The following PCIF1 variants were observed in gnomAD, a reference collection of about 807,000 sequenced individuals.
PCIF1 encodes the protein phosphorylated CTD interacting factor 1.
A neutral mutation model predicts 86.9 loss-of-function variants in PCIF1; 12 were observed. The observed-to-expected ratio is 0.14, with a 90% confidence interval of 0.09 to 0.22. PCIF1 has a LOEUF of 0.22. Ranked by LOEUF, PCIF1 falls within the 10% of genes least tolerant of loss-of-function variation. PCIF1 has a pLI of 1.00. For missense variants in PCIF1, 701 were observed against 951.1 expected (o/e 0.74, Z 3.46); for synonymous variants, 397 against 372.0 (o/e 1.07, Z -0.77).
Position 45,947,900 on chromosome 20 carries a change from G to A in PCIF1, c.*145G>A. On this transcript the variant is annotated 3_prime_UTR_variant, in exon 17 of 17. Coordinates refer to ENST00000372409, the MANE Select transcript of PCIF1 (RefSeq NM_022104.4). This position sits in a 1 kb window ranked among gnomAD's most constrained non-coding sequence, Gnocchi z 5.4. ...GGCTCCCCTCCCTGCCTGTCCCCAA[G>A]TCCTCACCTCAAACTCCCTCCAAGT... is the stretch of plus-strand genomic sequence containing the variant. 1 of 1,533,542 alleles carries A rather than the reference G, an allele frequency of 6.5e-7. No homozygotes were observed. Among genetic ancestry groups the A allele is most frequent in the Non-Finnish European group, 8.7e-7 (1 of 1,146,412 alleles). The allele number at this position is 1,533,542 out of a possible 1,614,324, so 95.0% of individuals were successfully genotyped here.
chr20:45,938,127 C>T (rs2083441371), intron 2 of PCIF1, among the ~76,000 whole-genome samples: 1 of 152,206 alleles, frequency 6.6e-6, no homozygotes, highest in Non-Finnish European at 1.5e-5. Flanking sequence ...ACTTTGGCTC[C>T]TGAGGCTGTT....
At chr20:45,942,788 T>TTTTTTTTTTTTTC (rs745379436) in intron 7 of PCIF1, among the ~76,000 whole-genome samples, 1 of 140,706 alleles carries the variant, frequency 7.1e-6, no homozygotes, top group Non-Finnish European at 1.6e-5. Context: ...TTTTTTTTTT[T>TTTTTTTTTTTTTC]TTTTTGTAGA....
At position 45,943,774 on chromosome 20, in the gene PCIF1, G is replaced by T. The variant is rs1483259598; in HGVS notation, c.1005+9G>T. On this transcript the variant is annotated intron_variant, in intron 10 of 16. Transcript: ENST00000372409. This position sits in a 1 kb window ranked among gnomAD's most constrained non-coding sequence, Gnocchi z 5.5. ...CCAAGGAGGACTACATGGTGAGTGG[G>T]TCCCCGGGTGAGAAGGCCAGTTTTA... 42 of 1,549,478 alleles carry T rather than the reference G, an allele frequency of 2.7e-5. No individual in the cohort carries two copies. The highest frequency in any genetic ancestry group is 3.5e-5 in the Non-Finnish European group (40 of 1,145,236).
At position 45,947,283 on chromosome 20, in the gene PCIF1, G is replaced by A. The variant is rs35585146; in HGVS notation, c.1728G>A (p.Pro576=). The A allele has an allele frequency of 1.5e-5, 25 of 1,612,934 alleles. No homozygotes were observed. In the African/African-American group the frequency reaches 1.6e-4, roughly 10 times the overall value. ...SHFERLLESS[P]EPLSFIVFIP... ...CACAGAGACTGCTTGAGAGCTCACC[G>A]GAGCCCCTGTCCTTCATCGTGTTCA... The change falls in exon 16 of 17, where the codon CCG becomes CCA. Residue 576 remains proline, a synonymous_variant. Coordinates refer to ENST00000372409, the MANE Select transcript of PCIF1 (RefSeq NM_022104.4). The surrounding 1 kb of genome is among the most constrained non-coding windows in gnomAD (Gnocchi z 5.4).
rs1805624429 is a variant in PCIF1, at chr20:45,943,307, A to G, written c.822-33A>G. 1 of 1,613,808 alleles carries G rather than the reference A, an allele frequency of 6.2e-7. No homozygotes were observed. The highest frequency in any genetic ancestry group is 8.5e-7 in the Non-Finnish European group (1 of 1,179,800). On this transcript the variant is annotated intron_variant, in intron 8 of 16. Coordinates refer to ENST00000372409, the MANE Select transcript of PCIF1 (RefSeq NM_022104.4). This position sits in a 1 kb window ranked among gnomAD's most constrained non-coding sequence, Gnocchi z 5.5. ...GGTTTCTGTGCCCAGTCATGTATAG[A>G]AGGCCTCTAACTCTGCCCACTCTGA...
intron 1 of PCIF1, among the ~76,000 whole-genome samples, chr20:45,936,978 G>T (rs1036396494): frequency 1.3e-5 from 2 of 152,146 alleles, no homozygotes; most frequent in Non-Finnish European, 2.9e-5. Flanking sequence ...GTAGAGCTGG[G>T]GGCTCACTAT....
chr20:45,944,562 G>A lies in PCIF1; in HGVS notation c.1006-306G>A, dbSNP rs2145335708. Among the ~76,000 whole-genome samples, 3 of 152,344 alleles carry A rather than the reference G, an allele frequency of 2.0e-5. No individual in the cohort carries two copies. The South Asian group carries it at 6.2e-4, about 32-fold the overall frequency. On this transcript the variant is annotated intron_variant, in intron 10 of 16. Coordinates refer to ENST00000372409, the MANE Select transcript of PCIF1 (RefSeq NM_022104.4). The stretch of plus-strand genomic sequence containing the variant: ...GGTAATTATCATGGGATCTAGCAGT[G>A]TAACCCCAACAAAAGCTACTGGCAT...
rs376609010 is a variant in PCIF1 at position 45,943,348 on chromosome 20, G to A, written c.830G>A (p.Arg277Gln). ...IMNDIPIRLS[R>Q]IKFREEAKRL... The stretch of plus-strand genomic sequence containing the variant: ...CCCACTCTGAAACGCAGGTTATCCC[G>A]AATCAAGTTCCGGGAGGAAGCCAAG... The change falls in exon 9 of 17, where the codon CGA becomes CAA. Residue 277 changes from arginine (R) to glutamine (Q), a missense_variant. Around this residue, in one of 7 missense-constraint regions of PCIF1, gnomAD observed 129 missense variants for 245.9 expected, o/e 0.52. Coordinates refer to ENST00000372409, the MANE Select transcript of PCIF1 (RefSeq NM_022104.4). This position sits in a 1 kb window ranked among gnomAD's most constrained non-coding sequence, Gnocchi z 5.5. 3.7e-6 allele frequency: 6 copies of A among 1,614,104 alleles called. No homozygotes were observed. Among genetic ancestry groups the A allele is most frequent in the Admixed American group, 1.7e-5 (1 of 60,014 alleles).
At chr20:45,936,861 G>C (rs2083430812) in intron 1 of PCIF1, among the ~76,000 whole-genome samples, 1 of 152,196 alleles carries the variant, frequency 6.6e-6, no homozygotes. Flanking sequence ...CCAGGAGTTG[G>C]AGGTTGCAGT....
At chr20:45,944,813 C>T (rs546633291) in intron 10 of PCIF1, 55 bp from the exon 11 acceptor site, 2 of 1,561,542 alleles carry the variant, frequency 1.3e-6, no homozygotes, top group South Asian at 2.3e-5. Context: ...ACCTGCCAGC[C>T]CAGCTGAGCC....
Position 45,947,786 on chromosome 20 carries a change from G to A in PCIF1, c.*31G>A. The A allele has an allele frequency of 1.3e-6, 2 of 1,586,512 alleles. No homozygotes were observed. Among genetic ancestry groups the A allele is most frequent in the East Asian group, 2.2e-5 (1 of 44,644 alleles). On this transcript the variant is annotated 3_prime_UTR_variant, in exon 17 of 17. Coordinates refer to ENST00000372409, the MANE Select transcript of PCIF1 (RefSeq NM_022104.4). This position sits in a 1 kb window ranked among gnomAD's most constrained non-coding sequence, Gnocchi z 5.4. Reference sequence around the variant, plus strand: ...CCTGCGGGGAGGAGGAGCCCCAGGGGTGCTAGTCTGGACTGCTGGGACTCG... The same window carrying A: ...CCTGCGGGGAGGAGGAGCCCCAGGGATGCTAGTCTGGACTGCTGGGACTCG...
Position 45,939,106 on chromosome 20 carries a change from T to G in PCIF1, c.107T>G (p.Leu36Arg). 2 of 1,614,054 alleles carry G rather than the reference T, an allele frequency of 1.2e-6. No homozygotes were observed. Among genetic ancestry groups the G allele is most frequent in the Non-Finnish European group, 1.7e-6 (2 of 1,179,982 alleles). ...SQPCSPKPIR[L>R]VQDLPEELVH... ...CCCTGTTCTCCAAAGCCAATCCGCC[T>G]GGTTCAGGACCTCCCAGGTACTGAG... The change falls in exon 3 of 17, where the codon CTG becomes CGG. Residue 36 changes from leucine to arginine, a missense_variant. Physicochemically the swap from Leu to Arg is moderately radical, Grantham distance 102. This residue lies in a region of PCIF1 where 60 missense variants were observed against 58.6 expected (regional missense o/e 1.02). Coordinates refer to ENST00000372409, the MANE Select transcript of PCIF1 (RefSeq NM_022104.4).
At chr20:45,936,389 C>T (rs2145858893) in intron 1 of PCIF1, among the ~76,000 whole-genome samples, 1 of 140,418 alleles carries the variant, frequency 7.1e-6, no homozygotes, top group East Asian at 2.1e-4. Flanking sequence ...CGGGGTTTCA[C>T]TGTGTTAGCT....
In PCIF1 at chr20:45,948,010, A is replaced by G; in HGVS notation, c.*255A>G. 2.7e-6 allele frequency: 4 copies of G among 1,474,540 alleles called. No individual in the cohort carries two copies. The highest frequency in any genetic ancestry group is 3.6e-6 in the Non-Finnish European group (4 of 1,100,464). The allele number at this position is 1,474,540 out of a possible 1,614,324, so 91.3% of individuals were successfully genotyped here. A position where few individuals can be genotyped will look rare whatever the true frequency, so the allele number is the denominator to read the frequency against. ...TTTCATTTGTAAAAGGAAATACAGA[A>G]ACCCCCCCAAGAATGTGTGAGGGTC... On this transcript the variant is annotated 3_prime_UTR_variant, in exon 17 of 17. Coordinates refer to ENST00000372409, the MANE Select transcript of PCIF1 (RefSeq NM_022104.4).
intron 11 of PCIF1, among the ~76,000 whole-genome samples, chr20:45,945,481 G>A (rs112348284): frequency 0.011 from 1,672 of 152,352 alleles, 27 homozygotes; most frequent in African/African-American, 0.038. Flanking sequence ...CACGGCATAC[G>A]GGGCCCTGCT....
At chr20:45,946,146 C>T in intron 13 of PCIF1, 31 bp downstream of exon 13, 1 of 1,614,144 alleles carries the variant, frequency 6.2e-7, no homozygotes, top group Non-Finnish European at 8.5e-7. Context: ...GGAGGGCTCC[C>T]CAGGAGGGAA....
In PCIF1 at chr20:45,947,040, G is replaced by A; in HGVS notation, c.1614-33G>A. 6.4e-7 allele frequency: 1 copy of A among 1,564,562 alleles called. No individual in the cohort carries two copies. The highest frequency in any genetic ancestry group is 1.4e-5 in the African/African-American group (1 of 73,944). ...GTTTCTGGTTGAGGGACTGGGTCCT[G>A]ATGGGACTTAGAATGCTCACTCCTG... is the stretch of plus-strand genomic sequence containing the variant. On this transcript the variant is annotated intron_variant, in intron 14 of 16. Coordinates refer to ENST00000372409, the MANE Select transcript of PCIF1 (RefSeq NM_022104.4). This position sits in a 1 kb window ranked among gnomAD's most constrained non-coding sequence, Gnocchi z 5.4.
rs2083541797 is a variant in PCIF1, at chr20:45,947,466, A to AGGCTG, written c.1883+35_1883+39dup. 1.9e-6 allele frequency: 3 copies of AGGCTG among 1,613,374 alleles called. No homozygotes were observed. Among genetic ancestry groups the AGGCTG allele is most frequent in the Non-Finnish European group, 2.5e-6 (3 of 1,179,898 alleles). ...GGGTGCCAGGGAGGGCAGGGGAAGG[A>AGGCTG]GGCTGGGCTGGCCAGGCCAGGCCCA... On this transcript the variant is annotated intron_variant, in intron 16 of 16. Coordinates refer to ENST00000372409, the MANE Select transcript of PCIF1 (RefSeq NM_022104.4). The surrounding 1 kb of genome is among the most constrained non-coding windows in gnomAD (Gnocchi z 5.4).
chr20:45,939,876 G>A (rs1448117723), intron 4 of PCIF1, among the ~76,000 whole-genome samples: 1 of 152,206 alleles, frequency 6.6e-6, no homozygotes, highest in Non-Finnish European at 1.5e-5. Context: ...CTCAGCTGGG[G>A]CAGCATTTCT....
Sources: gnomAD v4.1 joint callset for allele counts (sites outside exome capture counted in the v4.1 genomes callset) on GRCh38, gnomAD v4.1.1 for gene constraint, gnomAD v4.1.1 regional missense constraint, Gnocchi (gnomAD v3.1) non-coding constraint, MANE v1.5 for transcripts, NCBI Gene and HGNC (gene_info 2026-07-23, HGNC 2026-07-21) for gene names.